RAB28: variants seen among roughly 807,000 people sequenced by gnomAD.
RAB28 encodes the protein RAB28, member RAS oncogene family.
RAB28 carries 24 observed loss-of-function variants against 31.7 expected under a neutral mutation model. The ratio of observed to expected loss-of-function variants is 0.76; its 90% CI spans 0.55 to 1.06. The LOEUF (loss-of-function observed/expected upper bound fraction) is 1.06. Among genes scored for constraint, RAB28 ranks in the 50% least tolerant of loss-of-function variants. The pLI is 0.00. For synonymous variants in RAB28, 100 were observed against 90.4 expected (o/e 1.11, Z -0.60); for missense variants, 254 against 258.5 (o/e 0.98, Z 0.12).
intron 4 of RAB28, among the ~76,000 whole-genome samples, chr4:13,459,098 G>A (rs1477271947): frequency 6.6e-6 from 1 of 152,130 alleles, no homozygotes. Context: ...TTTTTCCTGT[G>A]CTGGATGCTT....
chr4:13,480,861 T>C (rs1314604998), intron 1 of RAB28, among the ~76,000 whole-genome samples: 1 of 151,634 alleles, frequency 6.6e-6, no homozygotes. Flanking sequence ...TATTTCTTTT[T>C]ACAGACCATT....
In RAB28 at chr4:13,474,372, T is replaced by C; in HGVS notation, c.207A>G (p.Ile69Met). The C allele has an allele frequency of 6.3e-7, 1 of 1,596,600 alleles. No homozygotes were observed. The highest frequency in any genetic ancestry group is 8.6e-7 in the Non-Finnish European group (1 of 1,168,156). Residue 69 changes from isoleucine to methionine, a missense_variant, in exon 3 of 7, where the codon ATA becomes ATG. Ile to Met is a conservative substitution (Grantham distance 10). Coordinates refer to ENST00000330852, the MANE Select transcript of RAB28 (RefSeq NM_001017979.3). ...TTTTGCCTCCTATTGTCTGCCCTCC[T>C]ATATCCCAAATTTGAAGGGTAACAT... The part of the protein sequence containing the change: ...NLNVTLQIWD[I>M]GGQTIGGKML...
At chr4:13,457,203 A>G (rs900400350) in intron 4 of RAB28, among the ~76,000 whole-genome samples, 2 of 152,194 alleles carry the variant, frequency 1.3e-5, no homozygotes, top group African/African-American at 4.8e-5. Flanking sequence ...ATGTCTTTCC[A>G]TCACATCTCT....
chr4:13,402,904 C>T (rs1711855875), intron 4 of RAB28, among the ~76,000 whole-genome samples: 2 of 152,150 alleles, frequency 1.3e-5, no homozygotes, highest in African/African-American at 4.8e-5. Flanking sequence ...AAGCTATCCT[C>T]CCGCCTCACC....
intron 4 of RAB28, among the ~76,000 whole-genome samples, chr4:13,387,300 C>T (rs555203494): frequency 2.0e-5 from 3 of 152,142 alleles, no homozygotes; most frequent in Admixed American, 2.0e-4. Flanking sequence ...GAAATCTAAG[C>T]ATCATAATTG....
At chr4:13,419,522 T>G (rs1394963870) in intron 4 of RAB28, among the ~76,000 whole-genome samples, 3 of 152,128 alleles carry the variant, frequency 2.0e-5, no homozygotes, top group Non-Finnish European at 4.4e-5. Context: ...TCAGCAAATG[T>G]AAAAGAACAG....
At chr4:13,439,975 T>G (rs1714329011) in intron 4 of RAB28, among the ~76,000 whole-genome samples, 1 of 152,204 alleles carries the variant, frequency 6.6e-6, no homozygotes, top group Non-Finnish European at 1.5e-5. Context: ...TACATCTACA[T>G]TATTAGTAAA....
intron 4 of RAB28, among the ~76,000 whole-genome samples, chr4:13,428,624 G>A (rs997517413): frequency 1.3e-5 from 2 of 152,080 alleles, no homozygotes; most frequent in Non-Finnish European, 2.9e-5. Context: ...ATAGTCTAAG[G>A]AACAGAAAGA....
intron 5 of RAB28, among the ~76,000 whole-genome samples, chr4:13,380,538 C>A (rs1222081876): frequency 6.6e-6 from 1 of 151,486 alleles, no homozygotes; most frequent in Non-Finnish European, 1.5e-5. Context: ...CAATTATAAT[C>A]AAAGAAATTC....
intron 4 of RAB28, among the ~76,000 whole-genome samples, chr4:13,384,384 C>G (rs1181968287): frequency 6.6e-6 from 1 of 152,244 alleles, no homozygotes; most frequent in Non-Finnish European, 1.5e-5. Context: ...GCTGCTGCTG[C>G]TGCTGCTGCT....
chr4:13,383,673 C>G (rs577011932), intron 4 of RAB28, among the ~76,000 whole-genome samples: 1 of 152,268 alleles, frequency 6.6e-6, no homozygotes, highest in South Asian at 2.1e-4. Flanking sequence ...TGGAAGGTAA[C>G]TGAATCATGG....
chr4:13,444,042 T>A (rs78777916), intron 4 of RAB28, among the ~76,000 whole-genome samples: 1 of 151,848 alleles, frequency 6.6e-6, no homozygotes. Flanking sequence ...TTCTTTTTTT[T>A]ATCATGACGG....
At position 13,469,635 on chromosome 4, in the gene RAB28, T is replaced by TA. The variant is rs541214350; in HGVS notation, c.261+4682dup. ...TTTTCATCTATTTCACTTACTACCATATCTAATAAGCATGATGAGTGAGTA... is the reference window on the plus strand; with the variant it reads ...TTTTCATCTATTTCACTTACTACCATAATCTAATAAGCATGATGAGTGAGTA... On this transcript the variant is annotated intron_variant, in intron 3 of 6. Coordinates refer to ENST00000330852, the MANE Select transcript of RAB28 (RefSeq NM_001017979.3). Among the ~76,000 whole-genome samples the TA allele has an allele frequency of 4.6e-3, 696 of 152,150 alleles. 6 individuals carry two copies. Among genetic ancestry groups the TA allele is most frequent in the African/African-American group, 0.016 (663 of 41,520 alleles).
intron 4 of RAB28, among the ~76,000 whole-genome samples, chr4:13,394,389 A>G (rs959264356): frequency 3.9e-5 from 6 of 152,180 alleles, no homozygotes; most frequent in African/African-American, 1.4e-4. Context: ...TGTTCATAAT[A>G]GGGTTCACGC....
chr4:13,371,337 C>T lies in RAB28; in HGVS notation c.574-2687G>A, dbSNP rs904723737. 4.1e-6 allele frequency: 4 copies of T among 985,146 alleles called. No homozygotes were observed. In the Admixed American group the frequency reaches 2.5e-4, roughly 61 times the overall value. 61.0% of individuals were successfully genotyped at this position (985,146 alleles called of 1,614,324 possible). On this transcript the variant is annotated intron_variant, in intron 6 of 6. Transcript: ENST00000330852. ...GAAATATTGTATACCATTATCTAAC[C>T]TCCCCAAACCTAACTGTTTCATGCC...
chr4:13,451,014 CAA>C (rs1714941956), intron 4 of RAB28, among the ~76,000 whole-genome samples: 1 of 151,648 alleles, frequency 6.6e-6, no homozygotes, highest in South Asian at 2.1e-4. Flanking sequence ...GTAATCCAAC[CAA>C]AGAGTTTTAA....
At chr4:13,420,193 CA>C (rs1201498229) in intron 4 of RAB28, among the ~76,000 whole-genome samples, 8 of 152,140 alleles carry the variant, frequency 5.3e-5, no homozygotes, top group Non-Finnish European at 2.9e-5. Context: ...TACACCCTCC[CA>C]AGACTAAACC....
rs1016867993 is a variant in RAB28 at position 13,411,246 on chromosome 4, G to A, written c.392-29652C>T. Among the ~76,000 whole-genome samples the A allele has an allele frequency of 2.6e-5, 4 of 151,784 alleles. No individual in the cohort carries two copies. The East Asian group carries it at 7.7e-4, about 29-fold the overall frequency. On this transcript the variant is annotated intron_variant, in intron 4 of 6. Transcript: ENST00000330852. Reference sequence around the variant, plus strand: ...CAGCCCAAACTATTGTTCAAATGTCGGCAAAATAATAAATTTTCAGACAAC... The same window carrying A: ...CAGCCCAAACTATTGTTCAAATGTCAGCAAAATAATAAATTTTCAGACAAC...
rs2290599 is a variant in RAB28, at chr4:13,369,736, T to C, written c.574-1086A>G. 1.8e-3 allele frequency: 1,532 copies of C among 856,814 alleles called. 34 individuals carry two copies. The East Asian group carries it at 0.044, about 25-fold the overall frequency. The allele number at this position is 856,814 out of a possible 1,614,324, so 53.1% of individuals were successfully genotyped here. A position where few individuals can be genotyped will look rare whatever the true frequency, so the allele number is the denominator to read the frequency against. ...AATTTTTTAGTTCTAAATCAAGACG[T>C]AGACGTGATATTAACTTCCAATAAT... On this transcript the variant is annotated intron_variant, in intron 6 of 6. Coordinates refer to ENST00000330852, the MANE Select transcript of RAB28 (RefSeq NM_001017979.3).
Sources: allele counts gnomAD v4.1 joint callset (sites outside exome capture counted in the v4.1 genomes callset), GRCh38; gene constraint gnomAD v4.1.1; transcripts MANE v1.5; gene names NCBI Gene and HGNC (gene_info 2026-07-23, HGNC 2026-07-21).